PDE4B: variants seen among roughly 807,000 people sequenced by gnomAD.
PDE4B encodes 3',5'-cyclic-AMP phosphodiesterase 4B.
PDE4B carries 20 observed loss-of-function variants against 82.2 expected under a neutral mutation model. The ratio of observed to expected loss-of-function variants is 0.24; its 90% confidence interval spans 0.17 to 0.35. The LOEUF is 0.35. Among genes scored for constraint, PDE4B ranks in the 10% least tolerant of loss-of-function variants. PDE4B has a pLI of 1.00. For missense variants in PDE4B, 655 were observed against 907.2 expected (o/e 0.72, Z 3.57); for synonymous variants, 320 against 318.9 (o/e 1.00, Z -0.04).
intron 3 of PDE4B, among the ~76,000 whole-genome samples, chr1:65,982,322 C>T (rs2096406): frequency 0.7 from 105,847 of 152,024 alleles, 36,937 homozygotes; most frequent in Middle Eastern, 0.73. Flanking sequence ...CAAAGGGTCG[C>T]AAACACATCC....
intron 3 of PDE4B, among the ~76,000 whole-genome samples, chr1:66,166,067 G>A (rs1351329512): frequency 6.6e-6 from 1 of 152,064 alleles, no homozygotes; most frequent in Non-Finnish European, 1.5e-5. Flanking sequence ...AGAATTGAGA[G>A]GCTAGAAATA....
intron 3 of PDE4B, among the ~76,000 whole-genome samples, chr1:65,966,154 A>G (rs942434076): frequency 6.6e-6 from 1 of 152,262 alleles, no homozygotes; most frequent in African/African-American, 2.4e-5. Flanking sequence ...AAACCCCATC[A>G]TCTCAGGCCA....
At chr1:65,887,255 CTTTCTTTCCTTCCTTCTTTCTTTCT>C in intron 1 of PDE4B, among the ~76,000 whole-genome samples, 3 of 39,256 alleles carry the variant, frequency 7.6e-5, no homozygotes, top group African/African-American at 3.2e-4. Context: ...TCTTTTCTTT[CTTTCTTTCCTTCCTTCTTTCTTTCT>C]TTTTCTTTCT....
intron 1 of PDE4B, among the ~76,000 whole-genome samples, chr1:65,867,212 G>A (rs2186124): frequency 0.18 from 27,789 of 151,916 alleles, 2,858 homozygotes; most frequent in East Asian, 0.37. Flanking sequence ...GGAACACAAA[G>A]GGACATTTAA....
chr1:66,081,992 C>G (rs1196966334), intron 3 of PDE4B, among the ~76,000 whole-genome samples: 2 of 151,948 alleles, frequency 1.3e-5, no homozygotes, highest in African/African-American at 4.8e-5. Flanking sequence ...TAGTGAAATA[C>G]TCTTTAGATG....
chr1:66,119,780 T>A (rs72667480), intron 3 of PDE4B, among the ~76,000 whole-genome samples: 15,037 of 152,192 alleles, frequency 0.099, 977 homozygotes, highest in Non-Finnish European at 0.13. Context: ...GATAATCAAG[T>A]TAAGATGAAG....
In PDE4B at chr1:66,374,283, G is replaced by A. The variant is rs1411424023; in HGVS notation, c.*1605G>A. Reference sequence around the variant, plus strand: ...AATGTGAACTGATGTAGCAAATTACGCAAATGTGAAGCCTCTTCTGATAAC... The same window carrying A: ...AATGTGAACTGATGTAGCAAATTACACAAATGTGAAGCCTCTTCTGATAAC... On this transcript the variant is annotated 3_prime_UTR_variant, in exon 17 of 17. Transcript: ENST00000341517. 2 of 152,766 alleles carry A rather than the reference G, an allele frequency of 1.3e-5. No homozygotes were observed. Among genetic ancestry groups the A allele is most frequent in the East Asian group, 3.9e-4 (2 of 5,192 alleles). The allele number at this position is 152,766 out of a possible 1,614,324, so 9.5% of individuals were successfully genotyped here.
At chr1:66,294,007 A>C (rs1394386430) in intron 7 of PDE4B, among the ~76,000 whole-genome samples, 2 of 152,168 alleles carry the variant, frequency 1.3e-5, no homozygotes, top group Non-Finnish European at 2.9e-5. Flanking sequence ...GGAGTTCCTG[A>C]CCAGCCTGGC....
intron 3 of PDE4B, among the ~76,000 whole-genome samples, chr1:66,204,828 C>T (rs1003128240): frequency 2.5e-4 from 38 of 152,320 alleles, no homozygotes; most frequent in Admixed American, 1.9e-3. Flanking sequence ...TGCTTCAGCT[C>T]GCTCACGGTG....
chr1:66,054,426 A>C (rs1655197714), intron 3 of PDE4B, among the ~76,000 whole-genome samples: 1 of 152,172 alleles, frequency 6.6e-6, no homozygotes, highest in African/African-American at 2.4e-5. Flanking sequence ...CATATTTATC[A>C]GCTCCAAAAG....
At chr1:66,348,774 C>T (rs931656327) in intron 8 of PDE4B, among the ~76,000 whole-genome samples, 3 of 151,270 alleles carry the variant, frequency 2.0e-5, no homozygotes, top group African/African-American at 7.3e-5. Context: ...TATGTGGAAA[C>T]ATAATATAGT....
chr1:66,110,168 T>G (rs1471865011), intron 3 of PDE4B, among the ~76,000 whole-genome samples: 1 of 152,038 alleles, frequency 6.6e-6, no homozygotes. Context: ...GATTTTAAAA[T>G]TATTGCTTAA....
chr1:66,145,995 G>A (rs1417169481), intron 3 of PDE4B, among the ~76,000 whole-genome samples: 1 of 152,148 alleles, frequency 6.6e-6, no homozygotes, highest in Non-Finnish European at 1.5e-5. Flanking sequence ...CTTCACAAAA[G>A]TCAGTCAGGA....
chr1:66,233,035 C>T (rs1239902443), intron 3 of PDE4B, among the ~76,000 whole-genome samples: 3 of 152,100 alleles, frequency 2.0e-5, no homozygotes. Context: ...GTGTACAATT[C>T]AGACACATAT....
intron 3 of PDE4B, among the ~76,000 whole-genome samples, chr1:66,202,328 T>C (rs1289960032): frequency 6.6e-6 from 1 of 152,112 alleles, no homozygotes; most frequent in Non-Finnish European, 1.5e-5. Flanking sequence ...ATTCTGTTGA[T>C]TTGGGGTGGA....
chr1:66,096,492 G>C (rs867765558), intron 3 of PDE4B, among the ~76,000 whole-genome samples: 12 of 37,484 alleles, frequency 3.2e-4, no homozygotes, highest in Admixed American at 1.2e-3. Context: ...ATTAAATGCG[G>C]TATAAGTAAA....
At chr1:66,098,911 T>G (rs980805207) in intron 3 of PDE4B, among the ~76,000 whole-genome samples, 1 of 152,112 alleles carries the variant, frequency 6.6e-6, no homozygotes, top group African/African-American at 2.4e-5. Context: ...CAAATATAGA[T>G]ACAGTGAGAA....
chr1:66,332,977 A>G (rs1248537147), intron 8 of PDE4B, among the ~76,000 whole-genome samples: 1 of 152,252 alleles, frequency 6.6e-6, no homozygotes, highest in Admixed American at 6.5e-5. Flanking sequence ...AATCTGAGTT[A>G]GTCTTGTTGC....
chr1:66,120,879 T>C (rs1261368909), intron 3 of PDE4B, among the ~76,000 whole-genome samples: 2 of 152,220 alleles, frequency 1.3e-5, no homozygotes, highest in African/African-American at 4.8e-5. Context: ...CCTACTATTT[T>C]ATCTGGGAGT....
Sources: gnomAD v4.1 joint callset for allele counts (sites outside exome capture counted in the v4.1 genomes callset) on GRCh38, gnomAD v4.1.1 for gene constraint, MANE v1.5 for transcripts, NCBI Gene and HGNC (gene_info 2026-07-23, HGNC 2026-07-21) for gene names.